Variants in PRIM2 observed in about 807,000 individuals in gnomAD.
PRIM2 encodes DNA primase subunit 2, also known as DNA primase large subunit.
In PRIM2, 39 loss-of-function variants were observed where a neutral mutation model predicts 67.3. That is an observed-to-expected ratio of 0.58 (90% confidence interval 0.45 to 0.76). The LOEUF (loss-of-function observed/expected upper bound fraction) is 0.76. Among genes scored for constraint, PRIM2 ranks in the 30% least tolerant of loss-of-function variants. PRIM2 has a pLI of 0.00. For synonymous variants in PRIM2, 143 were observed against 198.7 expected (o/e 0.72, Z 2.36); for missense variants, 398 against 598.7 (o/e 0.66, Z 3.50).
intron 7 of PRIM2, among the ~76,000 whole-genome samples, chr6:57,449,844 T>A (rs1772482446): frequency 6.6e-6 from 1 of 152,148 alleles, no homozygotes; most frequent in Admixed American, 6.5e-5. Context: ...TTAATTAAAA[T>A]GAGGATATGT....
chr6:57,470,352 T>G (rs1773306387), intron 7 of PRIM2, among the ~76,000 whole-genome samples: 1 of 139,432 alleles, frequency 7.2e-6, no homozygotes, highest in Non-Finnish European at 1.5e-5. Context: ...CACAAATTAG[T>G]TGGCTTGGGT....
chr6:57,292,254 A>G, the PRIM2 span, among the ~76,000 whole-genome samples: 1 of 152,198 alleles, frequency 6.6e-6, no homozygotes, highest in Non-Finnish European at 1.5e-5. Context: ...CAACTACTAC[A>G]AAGAGAATAA....
chr6:57,504,851 TG>T (rs1393989558), intron 7 of PRIM2, among the ~76,000 whole-genome samples: 1 of 152,244 alleles, frequency 6.6e-6, no homozygotes, highest in African/African-American at 2.4e-5. Context: ...AGTTTAGTTT[TG>T]ATTTATACTT....
intron 7 of PRIM2, among the ~76,000 whole-genome samples, chr6:57,463,031 C>CA (rs11381053): frequency 0.033 from 5,008 of 152,208 alleles, 273 homozygotes; most frequent in African/African-American, 0.11. Flanking sequence ...GAGAAGTGAG[C>CA]TAGCTGTTTC....
At chr6:57,489,350 A>G (rs1195008052) in intron 7 of PRIM2, among the ~76,000 whole-genome samples, 26 of 152,330 alleles carry the variant, frequency 1.7e-4, no homozygotes, top group Middle Eastern at 3.4e-3. Context: ...AGGTCAGGAG[A>G]TCGAGACCAT....
At chr6:57,322,782 A>G (rs1767703032) in intron 3 of PRIM2, among the ~76,000 whole-genome samples, 1 of 152,202 alleles carries the variant, frequency 6.6e-6, no homozygotes, top group Admixed American at 6.5e-5. Context: ...GGAAGGCAAC[A>G]CAACATGTGT....
intron 7 of PRIM2, among the ~76,000 whole-genome samples, chr6:57,481,083 C>T (rs1282108538): frequency 6.6e-6 from 1 of 152,174 alleles, no homozygotes; most frequent in Non-Finnish European, 1.5e-5. Flanking sequence ...CGAGTGGTTA[C>T]ATCTTACATT....
intron 10 of PRIM2, among the ~76,000 whole-genome samples, chr6:57,570,506 AAC>A (rs1433527023): frequency 5.9e-5 from 9 of 152,208 alleles, no homozygotes; most frequent in Non-Finnish European, 1.0e-4. Context: ...CATATCTATG[AAC>A]AGCACTGTTT....
At chr6:57,611,073 T>C (rs1776657485) in intron 12 of PRIM2, among the ~76,000 whole-genome samples, 1 of 152,196 alleles carries the variant, frequency 6.6e-6, no homozygotes, top group Non-Finnish European at 1.5e-5. Flanking sequence ...TGATTATCAA[T>C]GTAAAAAATC....
intron 7 of PRIM2, among the ~76,000 whole-genome samples, chr6:57,445,860 A>G (rs1267089130): frequency 1.3e-5 from 2 of 152,142 alleles, no homozygotes; most frequent in Non-Finnish European, 2.9e-5. Flanking sequence ...TGATTACCAA[A>G]GGGGTTGTGC....
At chr6:57,544,308 G>A (rs1451096260) in intron 10 of PRIM2, among the ~76,000 whole-genome samples, 1 of 152,086 alleles carries the variant, frequency 6.6e-6, no homozygotes, top group Non-Finnish European at 1.5e-5. Flanking sequence ...GTTATCTCGG[G>A]GCTGGCATGT....
At chr6:57,282,183 TG>T in the PRIM2 span, among the ~76,000 whole-genome samples, 18 of 152,360 alleles carry the variant, frequency 1.2e-4, no homozygotes, top group African/African-American at 4.1e-4. Context: ...TTTGCATAGT[TG>T]TGTCTGTGTA....
the PRIM2 span, among the ~76,000 whole-genome samples, chr6:57,268,381 A>G: frequency 1.3e-5 from 2 of 152,160 alleles, no homozygotes; most frequent in Non-Finnish European, 2.9e-5. Context: ...TCAAGATGTA[A>G]AGACTTCATA....
intron 10 of PRIM2, among the ~76,000 whole-genome samples, chr6:57,556,162 A>G (rs1391040297): frequency 5.9e-5 from 9 of 152,364 alleles, no homozygotes; most frequent in Admixed American, 2.0e-4. Context: ...ACAAATGGAA[A>G]AACATCCCAT....
intron 13 of PRIM2, among the ~76,000 whole-genome samples, chr6:57,640,685 C>T (rs1777215187): frequency 6.6e-6 from 1 of 152,028 alleles, no homozygotes; most frequent in Non-Finnish European, 1.5e-5. Flanking sequence ...TGTGAAGGAC[C>T]TCTTGAAGGA....
At chr6:57,612,655 C>T (rs1776687598) in intron 12 of PRIM2, among the ~76,000 whole-genome samples, 1 of 151,994 alleles carries the variant, frequency 6.6e-6, no homozygotes. Context: ...TCAAATGTTG[C>T]AGAACTATGA....
chr6:57,374,303 A>ATTTATTTATTTATTTATTTT (rs1554331462), intron 5 of PRIM2, among the ~76,000 whole-genome samples: 79 of 139,726 alleles, frequency 5.7e-4, no homozygotes, highest in Non-Finnish European at 1.1e-3. Context: ...TTATTTATTT[A>ATTTATTTATTTATTTATTTT]TTTTTTTTGA....
intron 13 of PRIM2, among the ~76,000 whole-genome samples, chr6:57,637,030 C>A (rs1777134209): frequency 6.6e-6 from 1 of 152,116 alleles, no homozygotes; most frequent in African/African-American, 2.4e-5. Flanking sequence ...TGGTGGGTGC[C>A]CCTCTGGGAC....
chr6:57,463,268 G>C (rs1773067623), intron 7 of PRIM2, among the ~76,000 whole-genome samples: 2 of 152,224 alleles, frequency 1.3e-5, no homozygotes, highest in African/African-American at 4.8e-5. Context: ...AAGGCAGGAG[G>C]ATCGCTTGAG....
Sources: allele counts gnomAD v4.1 joint callset (sites outside exome capture counted in the v4.1 genomes callset), GRCh38; gene constraint gnomAD v4.1.1; transcripts MANE v1.5; gene names NCBI Gene and HGNC (gene_info 2026-07-23, HGNC 2026-07-21).